Variants in LRP1B observed in about 807,000 individuals in gnomAD.
LRP1B encodes the protein LDL receptor related protein 1B, also known as low-density lipoprotein receptor-related protein 1B.
A neutral mutation model predicts 556.6 loss-of-function variants in LRP1B; 217 were observed. That is an observed-to-expected ratio of 0.39 (90% confidence interval 0.35 to 0.44). LRP1B has a LOEUF of 0.44. Among genes scored for constraint, LRP1B ranks in the 20% least tolerant of loss-of-function variants. The pLI, the probability that LRP1B is intolerant of heterozygous loss-of-function variation, is 1.00. For synonymous variants in LRP1B, 2,047 were observed against 1,865.8 expected (o/e 1.10, Z -2.50); for missense variants, 5,053 against 5,620.8 (o/e 0.90, Z 3.23).
intron 1 of LRP1B, among the ~76,000 whole-genome samples, chr2:141,863,353 T>C (rs1164984375): frequency 6.6e-6 from 1 of 152,090 alleles, no homozygotes; most frequent in Non-Finnish European, 1.5e-5. Context: ...ATAAAACAAG[T>C]ATATGACATC....
At chr2:141,209,853 G>C (rs886589128) in intron 6 of LRP1B, among the ~76,000 whole-genome samples, 18 of 152,154 alleles carry the variant, frequency 1.2e-4, no homozygotes, top group East Asian at 3.9e-4. Context: ...TATAAGGAAA[G>C]CAAGTACAAG....
Position 142,034,564 on chromosome 2 carries a change from T to A in LRP1B, c.82+96084A>T, listed in dbSNP as rs113261335. On this transcript the variant is annotated intron_variant, in intron 1 of 90. Coordinates refer to ENST00000389484, the MANE Select transcript of LRP1B (RefSeq NM_018557.3). ...AGTACTATTCTTTTGGAGAGTAGTATTTACTTCTTACTGAAAGTGTATTAT... is the reference window on the plus strand; with the variant it reads ...AGTACTATTCTTTTGGAGAGTAGTAATTACTTCTTACTGAAAGTGTATTAT... 6.5e-3 allele frequency among the ~76,000 whole-genome samples: 993 copies of A among 151,876 alleles called. 10 individuals are homozygous for A. Among genetic ancestry groups the A allele is most frequent in the African/African-American group, 0.022 (929 of 41,494 alleles).
At chr2:140,724,823 C>T (rs1346746242) in intron 35 of LRP1B, among the ~76,000 whole-genome samples, 1 of 151,982 alleles carries the variant, frequency 6.6e-6, no homozygotes, top group Non-Finnish European at 1.5e-5. Flanking sequence ...AATAATATTC[C>T]TCTCCCTGCC....
At chr2:141,559,546 A>G (rs1238129738) in intron 2 of LRP1B, among the ~76,000 whole-genome samples, 1 of 151,740 alleles carries the variant, frequency 6.6e-6, no homozygotes, top group Non-Finnish European at 1.5e-5. Flanking sequence ...TGCTTTCTTT[A>G]TGGTTAAAAG....
At chr2:141,504,331 A>G (rs1559109327) in intron 2 of LRP1B, among the ~76,000 whole-genome samples, 1 of 152,088 alleles carries the variant, frequency 6.6e-6, no homozygotes, top group Admixed American at 6.6e-5. Flanking sequence ...AATATTCACA[A>G]ATTAATTCAG....
chr2:140,265,542 C>T (rs1169325330), intron 86 of LRP1B, among the ~76,000 whole-genome samples: 1 of 152,014 alleles, frequency 6.6e-6, no homozygotes, highest in Non-Finnish European at 1.5e-5. Context: ...CTGTCACCTT[C>T]ATAGATCTGG....
intron 32 of LRP1B, among the ~76,000 whole-genome samples, chr2:140,810,059 T>C (rs1242762302): frequency 2.0e-5 from 3 of 152,222 alleles, no homozygotes; most frequent in Non-Finnish European, 4.4e-5. Flanking sequence ...TTATGAAACA[T>C]ATCTTGGTTT....
At chr2:140,492,806 T>G in intron 56 of LRP1B, 113 bp from the exon 57 acceptor site, 1 of 725,756 alleles carries the variant, frequency 1.4e-6, no homozygotes, top group Non-Finnish European at 2.4e-6. Context: ...GCTGATCTGG[T>G]AGCTTCAGGG....
chr2:141,599,753 TTTC>T, intron 2 of LRP1B, among the ~76,000 whole-genome samples: 1 of 141,536 alleles, frequency 7.1e-6, no homozygotes, highest in East Asian at 2.0e-4. Flanking sequence ...AATTTAATTT[TTTC>T]TTGTTTTCTC....
chr2:141,268,715 T>G (rs185996153), intron 3 of LRP1B, among the ~76,000 whole-genome samples: 1 of 152,280 alleles, frequency 6.6e-6, no homozygotes. Context: ...CTAGATTTTC[T>G]CTTTTAACAT....
At chr2:141,752,938 T>G (rs1414695759) in intron 2 of LRP1B, among the ~76,000 whole-genome samples, 2 of 1,512 alleles carry the variant, frequency 1.3e-3, no homozygotes, top group Non-Finnish European at 6.0e-3. Context: ...ACTGAGACCC[T>G]GTCTCAGAAA....
Position 141,890,330 on chromosome 2 carries a change from A to ATATACG in LRP1B, c.83-79930_83-79929insCGTATA, listed in dbSNP as rs1190483338. Among the ~76,000 whole-genome samples the ATATACG allele has an allele frequency of 1.9e-4, 8 of 42,278 alleles. No homozygotes were observed. In the East Asian group the frequency reaches 4.9e-3, roughly 26 times the overall value. The allele number at this position is 42,278 out of a possible 152,430, so 27.7% of individuals were successfully genotyped here. A position where few individuals can be genotyped will look rare whatever the true frequency, so the allele number is the denominator to read the frequency against. ...ACAGGTAAGGGCACAATACATATAT[A>ATATACG]TATATATATATATATATATATGTAT... On this transcript the variant is annotated intron_variant, in intron 1 of 90. Transcript: ENST00000389484.
chr2:140,450,907 T>C (rs1378531187), intron 62 of LRP1B, among the ~76,000 whole-genome samples: 2 of 152,140 alleles, frequency 1.3e-5, no homozygotes, highest in South Asian at 2.1e-4. Context: ...CACATTTACA[T>C]GTTTTCTGCA....
At position 141,906,438 on chromosome 2, in the gene LRP1B, C is replaced by T. The variant is rs533401489; in HGVS notation, c.83-96037G>A. On this transcript the variant is annotated intron_variant, in intron 1 of 90. Transcript: ENST00000389484. ...ATTGCATTCAAATATTTATATTTTT[C>T]GAAGAAAGTTTTGATAACCTGGTGT... Among the ~76,000 whole-genome samples, 46 of 151,882 alleles carry T rather than the reference C, an allele frequency of 3.0e-4. No homozygotes were observed. In the South Asian group the frequency reaches 8.5e-3, roughly 28 times the overall value.
At chr2:140,949,862 C>T (rs1695657435) in intron 20 of LRP1B, among the ~76,000 whole-genome samples, 1 of 144,908 alleles carries the variant, frequency 6.9e-6, no homozygotes, top group Non-Finnish European at 1.5e-5. Flanking sequence ...TGACGTAAAC[C>T]CGGGAGGCGG....
intron 7 of LRP1B, among the ~76,000 whole-genome samples, chr2:141,101,311 C>A (rs1416119200): frequency 6.6e-6 from 1 of 152,066 alleles, no homozygotes; most frequent in Non-Finnish European, 1.5e-5. Flanking sequence ...TTACAAGGTA[C>A]TAGTGTAGGA....
intron 5 of LRP1B, among the ~76,000 whole-genome samples, chr2:141,231,579 G>A (rs947204151): frequency 6.6e-6 from 1 of 151,558 alleles, no homozygotes; most frequent in Admixed American, 6.6e-5. Flanking sequence ...TATATAGCAC[G>A]TAGCACGTTC....
chr2:141,496,862 C>T (rs545891183), intron 2 of LRP1B, among the ~76,000 whole-genome samples: 21 of 151,852 alleles, frequency 1.4e-4, no homozygotes, highest in African/African-American at 3.4e-4. Context: ...ATATAAAATG[C>T]GAGAAATTAT....
At chr2:141,378,064 T>C (rs1227408755) in intron 3 of LRP1B, among the ~76,000 whole-genome samples, 1 of 152,202 alleles carries the variant, frequency 6.6e-6, no homozygotes, top group African/African-American at 2.4e-5. Flanking sequence ...TGCTGAAATT[T>C]CTAACCAACT....
Sources: allele counts gnomAD v4.1 joint callset (sites outside exome capture counted in the v4.1 genomes callset), GRCh38; gene constraint gnomAD v4.1.1; transcripts MANE v1.5; gene names NCBI Gene and HGNC (gene_info 2026-07-23, HGNC 2026-07-21).